Variants in COL19A1 observed in about 807,000 individuals in gnomAD.
COL19A1 encodes collagen type XIX alpha 1 chain.
Under a neutral mutation model 190.2 loss-of-function variants are expected in COL19A1, and 159 were observed. The observed-to-expected ratio is 0.84, with a 90% CI of 0.73 to 0.95. COL19A1 has a LOEUF of 0.95. Ranked by LOEUF, COL19A1 falls within the 40% of genes least tolerant of loss-of-function variation. COL19A1 has a pLI of 0.00. For missense variants in COL19A1, 1,418 were observed against 1,431.9 expected (o/e 0.99, Z 0.16); for synonymous variants, 509 against 458.9 (o/e 1.11, Z -1.39).
chr6:69,927,680 G>A (rs1772486762), intron 4 of COL19A1, among the ~76,000 whole-genome samples: 1 of 152,100 alleles, frequency 6.6e-6, no homozygotes, highest in South Asian at 2.1e-4. Context: ...GTTGAATAAG[G>A]AAATGTCACA....
intron 44 of COL19A1, among the ~76,000 whole-genome samples, chr6:70,182,564 A>T (rs141040066): frequency 6.6e-6 from 1 of 152,320 alleles, no homozygotes; most frequent in Non-Finnish European, 1.5e-5. Context: ...AACTGTTAGG[A>T]AGACAACCCA....
At chr6:70,161,785 G>A in intron 34 of COL19A1, 115 bp from the exon 35 acceptor site, 3 of 622,664 alleles carry the variant, frequency 4.8e-6, no homozygotes, top group East Asian at 3.1e-5. Context: ...CAAACATTAT[G>A]TTTCTCGATT....
intron 42 of COL19A1, among the ~76,000 whole-genome samples, 197 bp from the exon 43 acceptor site, chr6:70,180,115 A>T (rs1343832062): frequency 6.6e-6 from 1 of 152,106 alleles, no homozygotes; most frequent in Admixed American, 6.5e-5. Context: ...TGAACTCCTG[A>T]CCTCAAGTGA....
intron 11 of COL19A1, among the ~76,000 whole-genome samples, chr6:69,997,797 AAG>A (rs1437719264): frequency 1.3e-5 from 2 of 152,176 alleles, no homozygotes; most frequent in African/African-American, 4.8e-5. Context: ...AGGAGAAAGG[AAG>A]AGAGAGATAA....
At chr6:70,044,580 C>T (rs948497525) in intron 14 of COL19A1, among the ~76,000 whole-genome samples, 3 of 152,120 alleles carry the variant, frequency 2.0e-5, no homozygotes, top group Admixed American at 2.0e-4. Context: ...ATTAATTGAC[C>T]TAATTTCAAT....
At chr6:69,972,201 A>G (rs957108535) in intron 11 of COL19A1, among the ~76,000 whole-genome samples, 2 of 152,070 alleles carry the variant, frequency 1.3e-5, no homozygotes, top group Non-Finnish European at 2.9e-5. Flanking sequence ...CTTAAAAGTC[A>G]TTTTCTTGGA....
chr6:69,877,236 G>A (rs1768183627), intron 1 of COL19A1, among the ~76,000 whole-genome samples: 1 of 152,158 alleles, frequency 6.6e-6, no homozygotes, highest in Admixed American at 6.5e-5. Flanking sequence ...AATACACTGA[G>A]GGAGCCATTA....
chr6:70,122,025 A>C, intron 17 of COL19A1, 83 bp downstream of exon 17: 1 of 844,246 alleles, frequency 1.2e-6, no homozygotes. Flanking sequence ...ATTAATTCCT[A>C]ACTTCTCAGA....
chr6:70,057,490 C>T (rs1272374948), intron 14 of COL19A1, among the ~76,000 whole-genome samples: 6 of 151,942 alleles, frequency 3.9e-5, no homozygotes, highest in Admixed American at 2.6e-4. Context: ...GAATAATTAC[C>T]AAAGCTAAAA....
At chr6:69,976,550 A>G (rs1442109599) in intron 11 of COL19A1, among the ~76,000 whole-genome samples, 1 of 152,170 alleles carries the variant, frequency 6.6e-6, no homozygotes, top group South Asian at 2.1e-4. Flanking sequence ...AAGAGGAGTG[A>G]GTACATAACG....
At chr6:69,941,342 G>T (rs533895461) in intron 9 of COL19A1, among the ~76,000 whole-genome samples, 1 of 152,230 alleles carries the variant, frequency 6.6e-6, no homozygotes, top group African/African-American at 2.4e-5. Flanking sequence ...GCATATTATA[G>T]ATATTCAACA....
At chr6:70,031,561 A>G (rs1351962009) in intron 12 of COL19A1, among the ~76,000 whole-genome samples, 1 of 152,006 alleles carries the variant, frequency 6.6e-6, no homozygotes, top group Non-Finnish European at 1.5e-5. Context: ...AACATGGAAT[A>G]TTTGTCTTTT....
At chr6:70,096,099 T>TGA (rs1783249831) in intron 15 of COL19A1, among the ~76,000 whole-genome samples, 1 of 151,240 alleles carries the variant, frequency 6.6e-6, no homozygotes, top group East Asian at 1.9e-4. Flanking sequence ...TTTTTTTTTT[T>TGA]GAGAGAGGGT....
At chr6:70,181,714 A>G (rs1004908934) in intron 44 of COL19A1, among the ~76,000 whole-genome samples, 5 of 151,720 alleles carry the variant, frequency 3.3e-5, no homozygotes, top group African/African-American at 9.7e-5. Flanking sequence ...TAAGTAGAGT[A>G]AAGCTCTGGA....
At chr6:69,950,853 A>G (rs1280703007) in intron 9 of COL19A1, among the ~76,000 whole-genome samples, 3 of 151,914 alleles carry the variant, frequency 2.0e-5, no homozygotes, top group Admixed American at 6.6e-5. Context: ...AATACTTCAA[A>G]CAAAAAAGTG....
chr6:70,141,292 A>T lies in COL19A1; in HGVS notation c.1482+303A>T, dbSNP rs950696940. ...ACAAGACATCCATGTAGGATATCAAAAATATAAAATTAAAATAAAAGATAC... is the reference window on the plus strand; with the variant it reads ...ACAAGACATCCATGTAGGATATCAATAATATAAAATTAAAATAAAAGATAC... On this transcript the variant is annotated intron_variant, in intron 20 of 50. Coordinates refer to ENST00000620364, the MANE Select transcript of COL19A1 (RefSeq NM_001858.6). Among the ~76,000 whole-genome samples, 167 of 152,238 alleles carry T rather than the reference A, an allele frequency of 1.1e-3. 3 individuals carry two copies. The highest frequency in any genetic ancestry group is 3.9e-3 in the African/African-American group (161 of 41,562).
chr6:69,933,367 T>C (rs949130475), intron 7 of COL19A1, among the ~76,000 whole-genome samples: 5 of 152,120 alleles, frequency 3.3e-5, no homozygotes, highest in African/African-American at 9.7e-5. Flanking sequence ...CCCCTTTGCT[T>C]TGCAGCATAA....
Position 70,150,029 on chromosome 6 carries a change from G to GC in COL19A1, c.2027dup (p.Gly677ArgfsTer2). On this transcript the variant is annotated frameshift_variant, in exon 30 of 51. Coordinates refer to ENST00000620364, the MANE Select transcript of COL19A1 (RefSeq NM_001858.6). LOFTEE classifies it high-confidence loss of function. ...AGAGATGGAAAGCCAGGCCTGCCAGGCCCCCCAGGTGACCCGGTATGTAGA... is the reference window on the plus strand; with the variant it reads ...AGAGATGGAAAGCCAGGCCTGCCAGGCCCCCCCAGGTGACCCGGTATGTAGA... 1 of 1,613,666 alleles carries GC rather than the reference G, an allele frequency of 6.2e-7. No individual in the cohort carries two copies. Among genetic ancestry groups the GC allele is most frequent in the Non-Finnish European group, 8.5e-7 (1 of 1,179,788 alleles).
chr6:70,128,487 C>T (rs774621047), intron 17 of COL19A1, among the ~76,000 whole-genome samples: 1 of 151,956 alleles, frequency 6.6e-6, no homozygotes, highest in African/African-American at 2.4e-5. Flanking sequence ...GCAAGAAGGT[C>T]GATTACTGAA....
Sources: gnomAD v4.1 joint callset for allele counts (sites outside exome capture counted in the v4.1 genomes callset) on GRCh38, gnomAD v4.1.1 for gene constraint, MANE v1.5 for transcripts, NCBI Gene and HGNC (gene_info 2026-07-23, HGNC 2026-07-21) for gene names.